The following CFAP61 variants were observed in gnomAD, a reference collection of about 807,000 sequenced individuals.
The protein encoded by CFAP61 is cilia- and flagella-associated protein 61.
A neutral mutation model predicts 135.6 loss-of-function variants in CFAP61; 107 were observed. The observed-to-expected ratio is 0.79, with a 90% CI of 0.67 to 0.93. CFAP61 has a LOEUF of 0.93. Among genes scored for constraint, CFAP61 ranks in the 40% least tolerant of loss-of-function variants. CFAP61 has a pLI of 0.00. For synonymous variants in CFAP61, 575 were observed against 578.5 expected, an observed-to-expected ratio of 0.99 and a Z score of 0.09; for missense variants, 1,507 against 1,556.2, an observed-to-expected ratio of 0.97 and a Z score of 0.53.
chr20:20,296,284 C>CCCTTCCCTCCTTCCCTTCCTTCCTTCCTT (rs1569260302), intron 24 of CFAP61, among the ~76,000 whole-genome samples: 4 of 17,082 alleles, frequency 2.3e-4, no homozygotes, highest in East Asian at 2.2e-3. Context: ...CTTCCCTCAT[C>CCCTTCCCTCCTTCCCTTCCTTCCTTCCTT]CCTTCCCTCC....
At chr20:20,064,354 G>T (rs2045075330) in intron 2 of CFAP61, among the ~76,000 whole-genome samples, 1 of 152,108 alleles carries the variant, frequency 6.6e-6, no homozygotes, top group Non-Finnish European at 1.5e-5. Flanking sequence ...TCATTAAGTT[G>T]AGAATTTTCA....
At chr20:20,074,762 G>C (rs982496902) in intron 4 of CFAP61, among the ~76,000 whole-genome samples, 1 of 152,180 alleles carries the variant, frequency 6.6e-6, no homozygotes, top group Admixed American at 6.5e-5. Flanking sequence ...AGGATGCATG[G>C]AAAATGACCA....
Position 20,360,396 on chromosome 20 carries a change from C to T in CFAP61, c.3700C>T (p.Pro1234Ser), listed in dbSNP as rs144636018. Residue 1234 changes from proline (P) to serine (S), a missense_variant, in exon 27 of 27, where the codon CCA becomes TCA. Transcript: ENST00000245957. ...CTACCACCTGCCCATGTACGCGTGG[C>T]CAGGCATCGTTTAGTTGTAGGCAGG... ...NRYHLPMYAW[P>S]GIV The T allele has an allele frequency of 6.2e-7, 1 of 1,613,732 alleles. No individual in the cohort carries two copies. The highest frequency in any genetic ancestry group is 2.2e-5 in the East Asian group (1 of 44,882).
intron 25 of CFAP61, among the ~76,000 whole-genome samples, chr20:20,333,169 A>G (rs1291897569): frequency 6.6e-6 from 1 of 152,244 alleles, no homozygotes; most frequent in Non-Finnish European, 1.5e-5. Context: ...GAAGCAGCCT[A>G]CACAAACATA....
chr20:20,231,527 G>GCTTCT (rs1229576574), intron 18 of CFAP61, among the ~76,000 whole-genome samples: 5 of 152,206 alleles, frequency 3.3e-5, no homozygotes, highest in Non-Finnish European at 5.9e-5. Flanking sequence ...CCCTGCGGGA[G>GCTTCT]ACCTCCAGGG....
At chr20:20,143,337 G>A (rs1457606795) in intron 9 of CFAP61, among the ~76,000 whole-genome samples, 2 of 152,144 alleles carry the variant, frequency 1.3e-5, no homozygotes, top group African/African-American at 2.4e-5. Flanking sequence ...GCCCTGACTG[G>A]TCCCTGCAGA....
intron 25 of CFAP61, among the ~76,000 whole-genome samples, chr20:20,320,752 A>C (rs968723863): frequency 1.3e-5 from 2 of 150,792 alleles, no homozygotes; most frequent in African/African-American, 2.4e-5. Flanking sequence ...TAAAATTCTC[A>C]TAATAAGGAG....
rs186316783 is a variant in CFAP61 at position 20,103,850 on chromosome 20, C to T, written c.859+5036C>T. 3.2e-4 allele frequency among the ~76,000 whole-genome samples: 48 copies of T among 152,252 alleles called. No individual in the cohort carries two copies. In the East Asian group the frequency reaches 6.9e-3, roughly 22 times the overall value. On this transcript the variant is annotated intron_variant, in intron 8 of 26. Transcript: ENST00000245957. ...ATAATGCATAAGGCAAAATAGGGCA[C>T]AACCTGCATTTCCACAGCTGTACTG...
intron 18 of CFAP61, among the ~76,000 whole-genome samples, chr20:20,232,570 A>G (rs2049229262): frequency 6.6e-6 from 1 of 152,046 alleles, no homozygotes; most frequent in Non-Finnish European, 1.5e-5. Flanking sequence ...TTTTTCCAGA[A>G]TTATGCAGAA....
At chr20:20,186,909 C>T (rs1197527912) in intron 13 of CFAP61, among the ~76,000 whole-genome samples, 1 of 152,160 alleles carries the variant, frequency 6.6e-6, no homozygotes, top group Non-Finnish European at 1.5e-5. Flanking sequence ...ACATAATATA[C>T]AGGACCCATT....
At chr20:20,073,699 T>C (rs936587163) in intron 3 of CFAP61, among the ~76,000 whole-genome samples, 5 of 152,220 alleles carry the variant, frequency 3.3e-5, no homozygotes, top group African/African-American at 1.2e-4. Context: ...TTTTAAAACT[T>C]GGAAGATTTA....
chr20:20,223,153 G>A (rs895778004), intron 17 of CFAP61, among the ~76,000 whole-genome samples: 1 of 152,172 alleles, frequency 6.6e-6, no homozygotes, highest in Non-Finnish European at 1.5e-5. Flanking sequence ...TTGCAGATGG[G>A]AGAGAGGATC....
At chr20:20,064,309 A>T (rs900522188) in intron 2 of CFAP61, among the ~76,000 whole-genome samples, 3 of 152,172 alleles carry the variant, frequency 2.0e-5, no homozygotes, top group Non-Finnish European at 2.9e-5. Context: ...CTTACCCTAG[A>T]TCTTAGCAAG....
intron 26 of CFAP61, among the ~76,000 whole-genome samples, chr20:20,343,582 C>G (rs1176775980): frequency 6.6e-6 from 1 of 152,140 alleles, no homozygotes; most frequent in Admixed American, 6.5e-5. Context: ...TAACTGGAAA[C>G]CTGAACCCGA....
At chr20:20,199,309 C>T (rs1167835392) in intron 16 of CFAP61, among the ~76,000 whole-genome samples, 1 of 152,100 alleles carries the variant, frequency 6.6e-6, no homozygotes, top group Non-Finnish European at 1.5e-5. Context: ...GACTTACAAA[C>T]AGGAGGATTT....
chr20:20,150,193 T>A (rs1386215276), intron 9 of CFAP61, among the ~76,000 whole-genome samples: 1 of 152,002 alleles, frequency 6.6e-6, no homozygotes, highest in East Asian at 1.9e-4. Context: ...CACTCCAAAG[T>A]GGCTTCAGTA....
intron 2 of CFAP61, among the ~76,000 whole-genome samples, chr20:20,066,874 G>A (rs2045313302): frequency 6.6e-6 from 1 of 152,044 alleles, no homozygotes; most frequent in Non-Finnish European, 1.5e-5. Context: ...TGATTTGATA[G>A]TAACAAGTCC....
intron 8 of CFAP61, among the ~76,000 whole-genome samples, chr20:20,142,027 C>T (rs777561157): frequency 6.6e-6 from 1 of 152,070 alleles, no homozygotes; most frequent in Admixed American, 6.5e-5. Context: ...CCCAGCAGAG[C>T]GGACACCACT....
intron 25 of CFAP61, among the ~76,000 whole-genome samples, chr20:20,317,552 G>A (rs527700472): frequency 3.9e-5 from 6 of 152,286 alleles, no homozygotes; most frequent in African/African-American, 1.4e-4. Context: ...GTTGTGTTTT[G>A]TGACTTATTG....
Sources: allele counts gnomAD v4.1 joint callset (sites outside exome capture counted in the v4.1 genomes callset), GRCh38; gene constraint gnomAD v4.1.1; transcripts MANE v1.5; gene names NCBI Gene and HGNC (gene_info 2026-07-23, HGNC 2026-07-21).